Variants in CEBPZ observed in about 807,000 individuals in gnomAD.
The protein encoded by CEBPZ is CCAAT enhancer binding protein zeta, also known as CCAAT/enhancer-binding protein zeta.
Under a neutral mutation model 104.5 loss-of-function variants are expected in CEBPZ, and 78 were observed. The observed-to-expected ratio is 0.75, with a 90% CI of 0.62 to 0.90. The LOEUF (loss-of-function observed/expected upper bound fraction) is 0.90, where lower values mean the gene tolerates loss of function less well. Ranked by LOEUF, CEBPZ falls within the 40% of genes least tolerant of loss-of-function variation. The probability of loss-of-function intolerance (pLI) is 0.00; values close to 1 mark genes in which losing one functional copy is unlikely to be tolerated. For missense variants in CEBPZ, 1,439 were observed against 1,233.5 expected, an observed-to-expected ratio of 1.17 and a Z score of -2.50; for synonymous variants, 470 against 427.0, an observed-to-expected ratio of 1.10 and a Z score of -1.24.
chr2:37,204,299 G>C (rs1484945982), intron 13 of CEBPZ: 1 of 115,870 alleles, frequency 8.6e-6, no homozygotes, highest in African/African-American at 3.3e-5. Flanking sequence ...TTTTTTTTGA[G>C]ACAGAGTCTC....
At chr2:37,219,197 G>A (rs1432898457) in intron 5 of CEBPZ, among the ~76,000 whole-genome samples, 1 of 152,154 alleles carries the variant, frequency 6.6e-6, no homozygotes, top group African/African-American at 2.4e-5. Context: ...AGTCTTTCAT[G>A]AAAGAGCAGC....
chr2:37,212,116 T>C lies in CEBPZ; in HGVS notation c.2604-77A>G, dbSNP rs1241787370. 1.3e-5 allele frequency: 17 copies of C among 1,267,530 alleles called. 1 individual carries two copies. The East Asian group carries it at 3.5e-4, about 26-fold the overall frequency. 78.5% of individuals were successfully genotyped at this position (1,267,530 alleles called of 1,614,324 possible). ...AGTGTTTTGCTGACTACTAGGGCAG[T>C]AGGCTATTAAATGACTCAGAAGGAG... On this transcript the variant is annotated intron_variant, in intron 11 of 15. Transcript: ENST00000234170.
intron 5 of CEBPZ, 89 bp from the exon 6 acceptor site, chr2:37,217,126 G>GAGCCACCACACCCA: frequency 8.3e-6 from 9 of 1,081,966 alleles, no homozygotes; most frequent in African/African-American, 1.6e-5. Flanking sequence ...GGCTGGGTGT[G>GAGCCACCACACCCA]GTGGCTCACA....
At chr2:37,208,810 A>G (rs560034790) in intron 13 of CEBPZ, 2 of 152,280 alleles carry the variant, frequency 1.3e-5, no homozygotes, top group Non-Finnish European at 2.9e-5. Flanking sequence ...GGACAAGAGA[A>G]AGAAAGGGCA....
chr2:37,224,839 C>G (rs1031700550), intron 2 of CEBPZ, among the ~76,000 whole-genome samples: 5 of 152,096 alleles, frequency 3.3e-5, no homozygotes, highest in Admixed American at 2.6e-4. Flanking sequence ...GGCCTAAAGG[C>G]CTGTTAAGAA....
intron 13 of CEBPZ, among the ~76,000 whole-genome samples, chr2:37,207,415 C>G (rs1046376876): frequency 2.0e-5 from 3 of 152,160 alleles, no homozygotes; most frequent in African/African-American, 7.2e-5. Context: ...CAAAACAAGT[C>G]TCAATAAACT....
intron 10 of CEBPZ, among the ~76,000 whole-genome samples, chr2:37,212,835 T>TAA (rs761764387): frequency 2.1e-4 from 13 of 61,960 alleles, no homozygotes; most frequent in Admixed American, 4.4e-4. Context: ...CTATCTCTAT[T>TAA]AAAAAAAAAA....
At chr2:37,211,693 C>T (rs1478794356) in intron 12 of CEBPZ, 150 bp downstream of exon 12, 20 of 586,588 alleles carry the variant, frequency 3.4e-5, no homozygotes, top group East Asian at 1.8e-4. Context: ...CAGCTCCAAA[C>T]GAGAAGGGAA....
chr2:37,204,577 T>C (rs1558466423), intron 13 of CEBPZ: 1 of 152,240 alleles, frequency 6.6e-6, no homozygotes, highest in Non-Finnish European at 1.5e-5. Flanking sequence ...CGCCCAGCCA[T>C]TTTTGATTTT....
chr2:37,222,601 A>T (rs188973742), intron 3 of CEBPZ, 38 bp from the exon 4 acceptor site: 1 of 1,441,688 alleles, frequency 6.9e-7, no homozygotes, highest in African/African-American at 1.4e-5. Context: ...ACATAAATCA[A>T]CTGGAAGTTG....
chr2:37,229,186 G>T, intron 1 of CEBPZ, 150 bp from the exon 2 acceptor site: 2 of 640,408 alleles, frequency 3.1e-6, no homozygotes, highest in East Asian at 3.2e-5. Flanking sequence ...ACAAAGGAAA[G>T]GATAAGTAAA....
chr2:37,202,856 G>C lies in CEBPZ; in HGVS notation c.2953C>G (p.Leu985Val), dbSNP rs1677342588. The stretch of plus-strand genomic sequence containing the variant: ...TTGGATCCCATATTTTCATCCAATA[G>C]ATGGCCAAACTTTTAAACAAAAACG... ...LFVSAEEFGHLLDENMGSKFD... is the reference protein window; with the variant it reads ...LFVSAEEFGHVLDENMGSKFD... The change falls in exon 15 of 16, where the codon CTA (leucine) becomes GTA (valine). Residue 985 changes from leucine (L) to valine (V), a missense_variant. Transcript: ENST00000234170. The C allele has an allele frequency of 6.2e-7, 1 of 1,600,686 alleles. No individual in the cohort carries two copies. Among genetic ancestry groups the C allele is most frequent in the Non-Finnish European group, 8.5e-7 (1 of 1,173,942 alleles).
intron 13 of CEBPZ, chr2:37,209,179 T>C (rs989716850): frequency 3.9e-5 from 6 of 152,176 alleles, no homozygotes; most frequent in Non-Finnish European, 5.9e-5. Flanking sequence ...CCCATGTTCA[T>C]GGATGGGTAG....
In CEBPZ at chr2:37,228,956, A is replaced by G. The variant is rs779067545; in HGVS notation, c.237T>C (p.Leu79=). Residue 79 remains leucine (L), a synonymous_variant, in exon 2 of 16, where the codon CTT becomes CTC. Coordinates refer to ENST00000234170, the MANE Select transcript of CEBPZ (RefSeq NM_005760.3). ...DGGKKGAIDD[L]QQGELEAFIQ... ...TAAATGCTTCCAATTCACCTTGCTG[A>G]AGGTCATCGATTGCTCCTTTTTTGC... 1.9e-6 allele frequency: 3 copies of G among 1,609,180 alleles called. No homozygotes were observed. In the Admixed American group the frequency reaches 5.1e-5, roughly 27 times the overall value.
rs568255673 is a variant in CEBPZ, at chr2:37,204,851, A to T, written c.2885-1843T>A. The T allele has an allele frequency of 2.0e-5, 3 of 152,378 alleles. No homozygotes were observed. In the South Asian group the frequency reaches 6.2e-4, roughly 32 times the overall value. 9.4% of individuals were successfully genotyped at this position (152,378 alleles called of 1,614,324 possible). On this transcript the variant is annotated intron_variant, in intron 13 of 15. Coordinates refer to ENST00000234170, the MANE Select transcript of CEBPZ (RefSeq NM_005760.3). ...CTTTCAGGCTAATGTCTTCTGAAACAGTACTTTACTATTTGAAACAAGCTC... is the reference window on the plus strand; with the variant it reads ...CTTTCAGGCTAATGTCTTCTGAAACTGTACTTTACTATTTGAAACAAGCTC...
chr2:37,223,757 C>T (rs1272014578), intron 2 of CEBPZ, among the ~76,000 whole-genome samples: 1 of 152,208 alleles, frequency 6.6e-6, no homozygotes, highest in African/African-American at 2.4e-5. Flanking sequence ...AAAACTGACC[C>T]ATGAAAGCAG....
At chr2:37,216,930 CT>C (rs1664600386) in intron 6 of CEBPZ, 53 bp downstream of exon 6, 2 of 1,404,588 alleles carry the variant, frequency 1.4e-6, no homozygotes, top group East Asian at 2.3e-5. Context: ...TATTGATTAT[CT>C]AAAATGATAC....
intron 2 of CEBPZ, among the ~76,000 whole-genome samples, chr2:37,227,106 G>GAATGAGTT (rs1664905077): frequency 6.6e-6 from 1 of 152,172 alleles, no homozygotes; most frequent in African/African-American, 2.4e-5. Flanking sequence ...AATACTTGTT[G>GAATGAGTT]AATGAGTTAC....
At chr2:37,220,089 C>T (rs1293174287) in intron 5 of CEBPZ, among the ~76,000 whole-genome samples, 1 of 152,012 alleles carries the variant, frequency 6.6e-6, no homozygotes, top group African/African-American at 2.4e-5. Flanking sequence ...GAGGCTGAGG[C>T]AGGCGGATCA....
Sources: allele counts gnomAD v4.1 joint callset (sites outside exome capture counted in the v4.1 genomes callset), GRCh38; gene constraint gnomAD v4.1.1; transcripts MANE v1.5; gene names NCBI Gene and HGNC (gene_info 2026-07-23, HGNC 2026-07-21).